The following SBF2 variants were observed in gnomAD, a reference collection of about 807,000 sequenced individuals.
SBF2 encodes the protein SET binding factor 2, also known as myotubularin-related protein 13.
A neutral mutation model predicts 225.2 loss-of-function variants in SBF2; 112 were observed. That is an observed-to-expected ratio of 0.50 (90% CI 0.43 to 0.58). The LOEUF is 0.58. Ranked by LOEUF, SBF2 falls within the 20% of genes least tolerant of loss-of-function variation. The probability of loss-of-function intolerance (pLI) is 0.00; values close to 1 mark genes in which losing one functional copy is unlikely to be tolerated. For synonymous variants in SBF2, 763 were observed against 773.3 expected (o/e 0.99, Z 0.22); for missense variants, 1,996 against 2,206.2 (o/e 0.90, Z 1.91).
chr11:9,896,527 C>T (rs901573038), intron 16 of SBF2, among the ~76,000 whole-genome samples: 1 of 152,154 alleles, frequency 6.6e-6, no homozygotes, highest in African/African-American at 2.4e-5. Flanking sequence ...CGCGGTGGCT[C>T]ATGCCTGTAA....
chr11:10,180,969 T>C (rs1956713788), intron 2 of SBF2, among the ~76,000 whole-genome samples: 1 of 152,118 alleles, frequency 6.6e-6, no homozygotes, highest in Admixed American at 6.5e-5. Flanking sequence ...ATTAGAGGTT[T>C]TTCTGGTAAA....
At chr11:9,803,972 GCA>G (rs1304186469) in intron 32 of SBF2, among the ~76,000 whole-genome samples, 1 of 152,300 alleles carries the variant, frequency 6.6e-6, no homozygotes, top group African/African-American at 2.4e-5. Context: ...AAGGCTCAGG[GCA>G]CAGAGGCCCA....
intron 33 of SBF2, among the ~76,000 whole-genome samples, chr11:9,791,714 C>G (rs930827253): frequency 2.0e-5 from 3 of 152,220 alleles, no homozygotes; most frequent in Non-Finnish European, 4.4e-5. Flanking sequence ...CTAGGGGTTG[C>G]AGTAAGATTT....
At chr11:9,907,290 A>G (rs1018916417) in intron 16 of SBF2, among the ~76,000 whole-genome samples, 13 of 152,130 alleles carry the variant, frequency 8.5e-5, no homozygotes, top group African/African-American at 3.1e-4. Flanking sequence ...CCACCCGACC[A>G]TATGGGCCCC....
chr11:10,302,447 G>T (rs976819585), intron 1 of SBF2, among the ~76,000 whole-genome samples: 2 of 152,260 alleles, frequency 1.3e-5, no homozygotes, highest in African/African-American at 4.8e-5. Context: ...TTTACTTAAA[G>T]AATTGACTTG....
intron 9 of SBF2, among the ~76,000 whole-genome samples, chr11:9,994,575 T>TAC (rs1947600134): frequency 7.0e-6 from 1 of 142,456 alleles, no homozygotes; most frequent in Non-Finnish European, 1.6e-5. Context: ...TCTATATATG[T>TAC]ACATATATAT....
chr11:9,928,514 T>C (rs1813586920), intron 16 of SBF2, among the ~76,000 whole-genome samples: 2 of 152,214 alleles, frequency 1.3e-5, no homozygotes, highest in Admixed American at 1.3e-4. Context: ...TGTAAAATGA[T>C]AGAGCTGCTT....
chr11:9,930,574 T>C lies in SBF2; in HGVS notation c.1860+31383A>G, dbSNP rs183732452. ...AATTGGTTCATTATTTTGATTGTTG[T>C]GATAGTTTCAAAGGTGTCTATACAT... On this transcript the variant is annotated intron_variant, in intron 16 of 39. Coordinates refer to ENST00000256190, the MANE Select transcript of SBF2 (RefSeq NM_030962.4). 3.8e-3 allele frequency among the ~76,000 whole-genome samples: 586 copies of C among 152,308 alleles called. 3 individuals carry two copies. The highest frequency in any genetic ancestry group is 6.2e-3 in the South Asian group (30 of 4,818).
intron 17 of SBF2, among the ~76,000 whole-genome samples, chr11:9,863,087 C>T (rs1465335289): frequency 7.2e-6 from 1 of 138,278 alleles, no homozygotes; most frequent in Admixed American, 7.2e-5. Context: ...CCTTCTTTAT[C>T]TAGAAAAAAC....
intron 2 of SBF2, among the ~76,000 whole-genome samples, chr11:10,176,518 G>T (rs1196099156): frequency 2.7e-5 from 4 of 150,874 alleles, no homozygotes; most frequent in Admixed American, 6.6e-5. Context: ...TATCACCACC[G>T]ATCCCACAGA....
intron 32 of SBF2, among the ~76,000 whole-genome samples, chr11:9,806,777 T>C (rs1173329638): frequency 6.6e-6 from 1 of 152,208 alleles, no homozygotes; most frequent in Admixed American, 6.5e-5. Context: ...TGCTCATGAG[T>C]ATGGAGTTTC....
chr11:10,082,852 T>A (rs184827961), intron 2 of SBF2, among the ~76,000 whole-genome samples: 1 of 152,132 alleles, frequency 6.6e-6, no homozygotes, highest in African/African-American at 2.4e-5. Flanking sequence ...CTATCACCAC[T>A]CCTATTCAAC....
chr11:10,000,594 T>C (rs1947913906), intron 8 of SBF2, among the ~76,000 whole-genome samples: 1 of 152,310 alleles, frequency 6.6e-6, no homozygotes, highest in South Asian at 2.1e-4. Flanking sequence ...CTTCAAAATA[T>C]AAAACAATTA....
chr11:9,825,301 C>A (rs1855001516), intron 28 of SBF2, among the ~76,000 whole-genome samples: 1 of 152,142 alleles, frequency 6.6e-6, no homozygotes, highest in South Asian at 2.1e-4. Context: ...CAAAGATGGC[C>A]AGCAAACCTC....
intron 37 of SBF2, 69 bp downstream of exon 37, chr11:9,785,056 G>T: frequency 1.5e-6 from 2 of 1,343,432 alleles, no homozygotes; most frequent in Non-Finnish European, 2.1e-6. Flanking sequence ...GCTTATTGAG[G>T]GACCTGTGGT....
intron 37 of SBF2, 22 bp downstream of exon 37, chr11:9,785,103 C>A (rs770857631): frequency 2.5e-6 from 4 of 1,611,014 alleles, no homozygotes; most frequent in Non-Finnish European, 3.4e-6. Context: ...TTCAGCACAG[C>A]GAGCAGGGTT....
intron 1 of SBF2, among the ~76,000 whole-genome samples, chr11:10,218,596 A>G (rs971895622): frequency 6.6e-6 from 1 of 152,158 alleles, no homozygotes. Context: ...TCCACCTACG[A>G]GCCTGTAAAA....
intron 2 of SBF2, among the ~76,000 whole-genome samples, chr11:10,174,283 T>C (rs1168055307): frequency 6.6e-6 from 1 of 152,084 alleles, no homozygotes; most frequent in African/African-American, 2.4e-5. Flanking sequence ...GAAGAATGTA[T>C]AACTAGAATA....
rs1554914278 is a variant in SBF2, at chr11:9,829,404, T to C, written c.3745A>G (p.Arg1249Gly). The change falls in exon 28 of 40, where the codon AGA (arginine) becomes GGA (glycine). Residue 1249 changes from arginine (R) to glycine (G), a missense_variant. By Grantham distance (125) the Arg-to-Gly change is moderately radical. Transcript: ENST00000256190. ...LNAVSVHQKL[R>G]GNSTLTVRPA... is the part of the protein sequence containing the mutation. ...CTGACAGTAAGAGTGCTGTTGCCTC[T>C]GAGTTTCTGATGGACAGAAACAGCA... The C allele has an allele frequency of 1.2e-6, 2 of 1,614,152 alleles. No homozygotes were observed. Among genetic ancestry groups the C allele is most frequent in the Non-Finnish European group, 1.7e-6 (2 of 1,179,978 alleles).
Sources: gnomAD v4.1 joint callset for allele counts (sites outside exome capture counted in the v4.1 genomes callset) on GRCh38, gnomAD v4.1.1 for gene constraint, MANE v1.5 for transcripts, NCBI Gene and HGNC (gene_info 2026-07-23, HGNC 2026-07-21) for gene names.